Variants in IMMP2L observed in about 807,000 individuals in gnomAD.
IMMP2L encodes the protein inner mitochondrial membrane peptidase subunit 2.
Under a neutral mutation model 19.3 loss-of-function variants are expected in IMMP2L, and 18 were observed. The observed-to-expected ratio is 0.93, with a 90% CI of 0.64 to 1.38. The LOEUF is 1.38. IMMP2L is among the 40% of genes most tolerant of loss of function. The pLI is 0.00. For synonymous variants in IMMP2L, 76 were observed against 73.0 expected (o/e 1.04, Z -0.21); for missense variants, 233 against 218.2 (o/e 1.07, Z -0.43).
At chr7:111,142,450 T>A (rs1411925737) in intron 3 of IMMP2L, among the ~76,000 whole-genome samples, 1 of 152,062 alleles carries the variant, frequency 6.6e-6, no homozygotes, top group African/African-American at 2.4e-5. Flanking sequence ...CAAAGCTGCC[T>A]GCATAACTTT....
At chr7:111,186,947 A>C (rs995993028) in intron 3 of IMMP2L, among the ~76,000 whole-genome samples, 3 of 152,096 alleles carry the variant, frequency 2.0e-5, no homozygotes, top group Admixed American at 1.3e-4. Context: ...TTTTTTAAAA[A>C]AAAAAAGTTT....
chr7:111,410,244 T>G (rs1834280293), intron 3 of IMMP2L, among the ~76,000 whole-genome samples: 2 of 151,710 alleles, frequency 1.3e-5, no homozygotes, highest in Admixed American at 1.3e-4. Flanking sequence ...AGAAAGCTCA[T>G]GCCTTAGTAG....
chr7:110,868,000 G>A (rs1184899537), intron 5 of IMMP2L, among the ~76,000 whole-genome samples: 2 of 151,898 alleles, frequency 1.3e-5, no homozygotes, highest in African/African-American at 2.4e-5. Context: ...TCAACATAGG[G>A]AGCAACAAAA....
chr7:110,670,262 C>T (rs1456109121), intron 5 of IMMP2L, among the ~76,000 whole-genome samples: 2 of 152,112 alleles, frequency 1.3e-5, no homozygotes, highest in African/African-American at 2.4e-5. Flanking sequence ...AGAAAAAAAC[C>T]AAACATATAC....
intron 3 of IMMP2L, among the ~76,000 whole-genome samples, chr7:111,472,243 T>C (rs1305695120): frequency 6.6e-6 from 1 of 152,024 alleles, no homozygotes; most frequent in Non-Finnish European, 1.5e-5. Flanking sequence ...TTAAAGAGAA[T>C]ATCCTCCTTT....
At chr7:111,222,944 G>A (rs1263249443) in intron 3 of IMMP2L, among the ~76,000 whole-genome samples, 1 of 151,828 alleles carries the variant, frequency 6.6e-6, no homozygotes, top group Non-Finnish European at 1.5e-5. Context: ...TAGTACAACA[G>A]ATACATGAAT....
chr7:110,722,851 A>T (rs774896939), intron 5 of IMMP2L, among the ~76,000 whole-genome samples: 2 of 152,100 alleles, frequency 1.3e-5, no homozygotes, highest in African/African-American at 4.8e-5. Flanking sequence ...AAGCAGAGAA[A>T]TGTGTGTGTG....
chr7:111,550,135 C>T (rs1170442186), intron 1 of IMMP2L, among the ~76,000 whole-genome samples: 1 of 151,930 alleles, frequency 6.6e-6, no homozygotes, highest in Non-Finnish European at 1.5e-5. Context: ...AACAAATAAG[C>T]TCCTGGGAAA....
chr7:111,195,827 T>TTTCATTTC (rs1562912427), intron 3 of IMMP2L, among the ~76,000 whole-genome samples: 2 of 47,062 alleles, frequency 4.2e-5, no homozygotes, highest in African/African-American at 8.3e-5. Context: ...TATTTTATTT[T>TTTCATTTC]ATTTCATTTC....
At chr7:111,195,988 T>C (rs1053192497) in intron 3 of IMMP2L, among the ~76,000 whole-genome samples, 2 of 151,994 alleles carry the variant, frequency 1.3e-5, no homozygotes, top group Admixed American at 1.3e-4. Flanking sequence ...CACCTTAGCC[T>C]CCAAGCAGCT....
intron 5 of IMMP2L, among the ~76,000 whole-genome samples, chr7:110,832,881 C>T (rs1031231650): frequency 2.0e-5 from 3 of 152,122 alleles, no homozygotes; most frequent in African/African-American, 7.2e-5. Flanking sequence ...TCTGAGAATG[C>T]ATTTAGGTAA....
chr7:111,518,084 T>C (rs1585474587), intron 2 of IMMP2L, among the ~76,000 whole-genome samples: 1 of 152,118 alleles, frequency 6.6e-6, no homozygotes, highest in Non-Finnish European at 1.5e-5. Context: ...ATACTTCCCA[T>C]GTTTGATCAC....
At chr7:110,972,836 G>C (rs894961702) in intron 3 of IMMP2L, among the ~76,000 whole-genome samples, 8 of 152,066 alleles carry the variant, frequency 5.3e-5, no homozygotes, top group Admixed American at 1.3e-4. Context: ...GGAGAAGACA[G>C]ATCTTCAAAG....
At chr7:111,560,310 G>A (rs1045847062) in intron 1 of IMMP2L, among the ~76,000 whole-genome samples, 1 of 151,944 alleles carries the variant, frequency 6.6e-6, no homozygotes, top group African/African-American at 2.4e-5. Flanking sequence ...TTTTAAATGA[G>A]GCTAAATGCA....
intron 5 of IMMP2L, among the ~76,000 whole-genome samples, chr7:110,783,669 A>G (rs1799890029): frequency 1.3e-5 from 2 of 151,928 alleles, no homozygotes; most frequent in Admixed American, 1.3e-4. Flanking sequence ...AAAATTCAAT[A>G]TCAAACAATT....
At chr7:110,792,665 C>G (rs1800543508) in intron 5 of IMMP2L, among the ~76,000 whole-genome samples, 1 of 152,066 alleles carries the variant, frequency 6.6e-6, no homozygotes, top group Admixed American at 6.6e-5. Context: ...CTTCCATGAA[C>G]CTTTTCTGAC....
At chr7:110,919,925 T>C (rs1270086856) in intron 4 of IMMP2L, among the ~76,000 whole-genome samples, 1 of 152,082 alleles carries the variant, frequency 6.6e-6, no homozygotes, top group Non-Finnish European at 1.5e-5. Flanking sequence ...TTGGCTAGAA[T>C]AAAGCAAGCA....
chr7:111,101,420 A>C (rs1263353112), intron 3 of IMMP2L, among the ~76,000 whole-genome samples: 1 of 151,544 alleles, frequency 6.6e-6, no homozygotes, highest in Non-Finnish European at 1.5e-5. Flanking sequence ...GTATGATCTC[A>C]GAATCTGTGA....
At chr7:111,075,189 C>G (rs1563216363) in intron 3 of IMMP2L, among the ~76,000 whole-genome samples, 1 of 134,710 alleles carries the variant, frequency 7.4e-6, no homozygotes, top group Non-Finnish European at 1.5e-5. Context: ...TACAGTGGCA[C>G]AATCTCAGGT....
Sources: gnomAD v4.1 joint callset for allele counts (sites outside exome capture counted in the v4.1 genomes callset) on GRCh38, gnomAD v4.1.1 for gene constraint, MANE v1.5 for transcripts, NCBI Gene and HGNC (gene_info 2026-07-23, HGNC 2026-07-21) for gene names.